The following DOK7 variants were observed in gnomAD, a reference collection of about 807,000 sequenced individuals.
The protein encoded by DOK7 is docking protein 7.
A neutral mutation model predicts 30.7 loss-of-function variants in DOK7; 32 were observed. The ratio of observed to expected loss-of-function variants is 1.04; its 90% confidence interval spans 0.79 to 1.40. DOK7 has a LOEUF of 1.40. Ranked by LOEUF, DOK7 falls within the 40% of genes most tolerant of loss-of-function variation. The probability of loss-of-function intolerance (pLI) is 0.00; values close to 1 mark genes in which losing one functional copy is unlikely to be tolerated. For synonymous variants in DOK7, 447 were observed against 324.1 expected, an observed-to-expected ratio of 1.38 and a Z score of -4.07; for missense variants, 1,007 against 699.2, an observed-to-expected ratio of 1.44 and a Z score of -4.97.
intron 6 of DOK7, among the ~76,000 whole-genome samples, chr4:3,490,401 T>TC (rs1321813807): frequency 3.4e-5 from 2 of 58,162 alleles, no homozygotes; most frequent in Non-Finnish European, 6.4e-5. Flanking sequence ...ATTCAGTCCT[T>TC]CTTTCACCCC....
chr4:3,467,456 C>A (rs897390230), intron 2 of DOK7, among the ~76,000 whole-genome samples: 67 of 132,322 alleles, frequency 5.1e-4, no homozygotes, highest in Middle Eastern at 7.5e-3. Context: ...AAGACCCCCC[C>A]CCCCCACCCC....
At position 3,486,489 on chromosome 4, in the gene DOK7, G is replaced by A. The variant is rs574620150; in HGVS notation, c.652+831G>A. Among the ~76,000 whole-genome samples, 58 of 152,352 alleles carry A rather than the reference G, an allele frequency of 3.8e-4. 1 individual carries two copies. In the South Asian group the frequency reaches 9.3e-3, roughly 24 times the overall value. ...TGTGGCGGGGAAGGGTGACTGGGAG[G>A]GCAGAGGCGAGCAGCATGTGGGGTG... On this transcript the variant is annotated intron_variant, in intron 5 of 6. Transcript: ENST00000340083.
chr4:3,492,442 AGGGAGGGTG>A (rs1728534238), intron 6 of DOK7, among the ~76,000 whole-genome samples: 1 of 98,786 alleles, frequency 1.0e-5, no homozygotes, highest in South Asian at 3.6e-4. Flanking sequence ...GGTGTTAGGC[AGGGAGGGTG>A]GGGAGCTCTA....
At chr4:3,482,934 G>A (rs981641267) in intron 4 of DOK7, among the ~76,000 whole-genome samples, 1 of 152,126 alleles carries the variant, frequency 6.6e-6, no homozygotes, top group African/African-American at 2.4e-5. Context: ...GGAGGCGTCC[G>A]TGAGAGCACC....
At position 3,473,367 on chromosome 4, in the gene DOK7, G is replaced by A. The variant is rs375870398; in HGVS notation, c.101-39G>A. ...GGGGACGCCAAGGGTGCGGGCAGGCGGTGTTGGCTGGCGTCCCTGACGGCC... is the reference window on the plus strand; with the variant it reads ...GGGGACGCCAAGGGTGCGGGCAGGCAGTGTTGGCTGGCGTCCCTGACGGCC... On this transcript the variant is annotated intron_variant, in intron 2 of 6. Transcript: ENST00000340083. 126 of 1,599,904 alleles carry A rather than the reference G, an allele frequency of 7.9e-5. 1 individual carries two copies. In the African/African-American group the frequency reaches 1.0e-3, roughly 13 times the overall value.
intron 5 of DOK7, among the ~76,000 whole-genome samples, chr4:3,486,707 G>A (rs1727818752): frequency 6.6e-6 from 1 of 151,836 alleles, no homozygotes; most frequent in Non-Finnish European, 1.5e-5. Flanking sequence ...CACCCCTGCA[G>A]GTGTCTTCCT....
chr4:3,499,960 T>TG (rs1195544612), intron 6 of DOK7, among the ~76,000 whole-genome samples: 59 of 135,242 alleles, frequency 4.4e-4, no homozygotes, highest in African/African-American at 1.4e-3. Context: ...GGGGGGCCCA[T>TG]GGGGGGGTCG....
intron 4 of DOK7, among the ~76,000 whole-genome samples, chr4:3,482,537 C>G (rs977481835): frequency 6.6e-6 from 1 of 152,358 alleles, no homozygotes; most frequent in African/African-American, 2.4e-5. Flanking sequence ...TATGCCAGAG[C>G]CATCACTGGC....
chr4:3,473,015 G>A (rs1273201363), intron 2 of DOK7, among the ~76,000 whole-genome samples: 1 of 152,200 alleles, frequency 6.6e-6, no homozygotes, highest in African/African-American at 2.4e-5. Context: ...AGGGCAGGAG[G>A]CCACAGCCAC....
At chr4:3,496,261 C>T (rs1270024923), downstream of DOK7, among the ~76,000 whole-genome samples, 5 of 152,314 alleles carry the variant, frequency 3.3e-5, no homozygotes, top group East Asian at 1.9e-4. Flanking sequence ...AGGAGAAGGT[C>T]GCCTGCAGTG....
intron 3 of DOK7, 102 bp downstream of exon 3, chr4:3,473,738 G>C: frequency 8.7e-7 from 1 of 1,150,984 alleles, no homozygotes; most frequent in Non-Finnish European, 1.2e-6. Context: ...CCAGGGAACC[G>C]TGCAGGAAGA....
At chr4:3,470,124 G>A (rs1372522797) in intron 2 of DOK7, among the ~76,000 whole-genome samples, 1 of 152,142 alleles carries the variant, frequency 6.6e-6, no homozygotes, top group Non-Finnish European at 1.5e-5. Context: ...GCTCCTTCCT[G>A]CCTCTCCCAG....
chr4:3,468,768 GCATGTA>G (rs1158260870), intron 2 of DOK7, among the ~76,000 whole-genome samples: 3,010 of 149,980 alleles, frequency 0.02, 104 homozygotes, highest in African/African-American at 0.071. Flanking sequence ...GTGTGTGTGT[GCATGTA>G]TGTGTGCCTG....
Position 3,493,213 on chromosome 4 carries a change from C to A in DOK7, c.1227C>A (p.Arg409=), listed in dbSNP as rs762828158. The A allele has an allele frequency of 6.2e-7, 1 of 1,611,928 alleles. No individual in the cohort carries two copies. Among genetic ancestry groups the A allele is most frequent in the Non-Finnish European group, 8.5e-7 (1 of 1,179,670 alleles). The change falls in exon 7 of 7, where the codon CGC becomes CGA. Residue 409 remains arginine, a synonymous_variant. Transcript: ENST00000340083. ...TSLRAHYDTP[R]SLCLAPRDHS... is the part of the protein sequence containing the mutation. ...TGCGGGCCCACTATGACACACCACGCAGCCTTTGCCTGGCTCCTAGAGACC... is the reference window on the plus strand; with the variant it reads ...TGCGGGCCCACTATGACACACCACGAAGCCTTTGCCTGGCTCCTAGAGACC...
downstream of DOK7, chr4:3,496,715 C>T (rs748678248): frequency 9.2e-6 from 12 of 1,309,474 alleles, no homozygotes; most frequent in Non-Finnish European, 1.2e-5. Context: ...GGTCCCCCAG[C>T]CTGTGTCACT....
At chr4:3,494,657 G>GAGGCAGCTCC (rs200215325), downstream of DOK7, among the ~76,000 whole-genome samples, 1,284 of 152,284 alleles carry the variant, frequency 8.4e-3, 11 homozygotes, top group Non-Finnish European at 0.014. Context: ...GGTGTGCGGA[G>GAGGCAGCTCC]AGGCAGCTCC....
rs554849578 is a variant in DOK7, at chr4:3,466,615, G to A, written c.100+3064G>A. 3.3e-5 allele frequency among the ~76,000 whole-genome samples: 5 copies of A among 152,280 alleles called. No homozygotes were observed. In the South Asian group the frequency reaches 8.3e-4, roughly 25 times the overall value. ...CCCATAGAAACATCAAGAACAGGGC[G>A]ACCTTCCCTCAGCCCCCGCGTCAGG... is the stretch of plus-strand genomic sequence containing the variant. On this transcript the variant is annotated intron_variant, in intron 2 of 6. Transcript: ENST00000340083.
At chr4:3,468,540 A>ACTGTG (rs1560205457) in intron 2 of DOK7, among the ~76,000 whole-genome samples, 5 of 93,154 alleles carry the variant, frequency 5.4e-5, no homozygotes, top group African/African-American at 2.8e-4. Flanking sequence ...CTGTGAGTGT[A>ACTGTG]TGTGTGTGTG....
intron 4 of DOK7, among the ~76,000 whole-genome samples, chr4:3,483,315 T>C (rs774918325): frequency 1.6e-5 from 2 of 125,568 alleles, no homozygotes; most frequent in Non-Finnish European, 3.3e-5. Context: ...GCTTTGAGCA[T>C]TCCCAAGACC....
Sources: gnomAD v4.1 joint callset for allele counts (sites outside exome capture counted in the v4.1 genomes callset) on GRCh38, gnomAD v4.1.1 for gene constraint, MANE v1.5 for transcripts, NCBI Gene and HGNC (gene_info 2026-07-23, HGNC 2026-07-21) for gene names.